DOCK5: variants seen among roughly 807,000 people sequenced by gnomAD.
The protein encoded by DOCK5 is dedicator of cytokinesis 5, also known as dedicator of cytokinesis protein 5.
Under a neutral mutation model 251.8 loss-of-function variants are expected in DOCK5, and 142 were observed. That is an observed-to-expected ratio of 0.56 (90% CI 0.49 to 0.65). DOCK5 has a LOEUF of 0.65. Ranked by LOEUF, DOCK5 falls within the 30% of genes least tolerant of loss-of-function variation. The probability of loss-of-function intolerance (pLI) is 0.00; values close to 1 mark genes in which losing one functional copy is unlikely to be tolerated. For missense variants in DOCK5, 2,111 were observed against 2,312.3 expected, an observed-to-expected ratio of 0.91 and a Z score of 1.79; for synonymous variants, 842 against 835.5, an observed-to-expected ratio of 1.01 and a Z score of -0.13.
At chr8:25,243,600 A>G in intron 1 of DOCK5, 74 bp from the exon 2 acceptor site, 2 of 1,425,124 alleles carry the variant, frequency 1.4e-6, no homozygotes, top group East Asian at 2.5e-5. Flanking sequence ...AAGTGCTGAG[A>G]TTATAGGCGT....
At chr8:25,375,014 T>C in intron 37 of DOCK5, 2 of 1,103,662 alleles carry the variant, frequency 1.8e-6, no homozygotes, top group Non-Finnish European at 2.3e-6. Flanking sequence ...AGAAGTACTC[T>C]ATTTTTATTC....
intron 37 of DOCK5, chr8:25,374,979 G>T (rs1800939363): frequency 8.4e-7 from 1 of 1,188,214 alleles, no homozygotes; most frequent in East Asian, 5.4e-5. Context: ...GCAGAAAGAT[G>T]AGTTATAAGT....
chr8:25,275,570 C>T (rs1364200386), intron 4 of DOCK5, 129 bp downstream of exon 4: 2 of 907,424 alleles, frequency 2.2e-6, no homozygotes, highest in Non-Finnish European at 3.3e-6. Flanking sequence ...CGTGGTGGCT[C>T]ACGCCTGTAA....
intron 1 of DOCK5, among the ~76,000 whole-genome samples, chr8:25,227,785 A>C (rs1257394519): frequency 1.3e-5 from 2 of 152,214 alleles, no homozygotes; most frequent in African/African-American, 4.8e-5. Context: ...TGTCAAGCAA[A>C]CTACAAAGTA....
At chr8:25,368,497 C>T (rs929736671) in intron 32 of DOCK5, 74 bp from the exon 33 acceptor site, 269 of 1,491,762 alleles carry the variant, frequency 1.8e-4, no homozygotes, top group Non-Finnish European at 2.3e-4. Context: ...TCTTATGGAA[C>T]TTGTGGAGGA....
chr8:25,271,751 T>G (rs1034399500), intron 3 of DOCK5, among the ~76,000 whole-genome samples: 3 of 152,084 alleles, frequency 2.0e-5, no homozygotes, highest in Non-Finnish European at 2.9e-5. Context: ...CTCAAGTGAG[T>G]GGGTTACAAT....
chr8:25,325,605 C>A, intron 18 of DOCK5, 58 bp downstream of exon 18: 1 of 1,585,112 alleles, frequency 6.3e-7, no homozygotes, highest in Non-Finnish European at 8.6e-7. Context: ...TTCTGGGCTC[C>A]TTGGTTAGGC....
chr8:25,288,567 G>C (rs1563339288), intron 5 of DOCK5, among the ~76,000 whole-genome samples: 1 of 152,206 alleles, frequency 6.6e-6, no homozygotes, highest in Non-Finnish European at 1.5e-5. Context: ...GTGTCACACA[G>C]AGGATCCCCG....
At chr8:25,340,689 C>T (rs996646060) in intron 22 of DOCK5, among the ~76,000 whole-genome samples, 188 bp from the exon 23 acceptor site, 3 of 152,200 alleles carry the variant, frequency 2.0e-5, no homozygotes, top group African/African-American at 7.2e-5. Flanking sequence ...GGTTGGGGAT[C>T]AGAGCCTTTC....
intron 1 of DOCK5, among the ~76,000 whole-genome samples, chr8:25,229,953 C>G (rs887209754): frequency 6.6e-6 from 1 of 152,076 alleles, no homozygotes; most frequent in African/African-American, 2.4e-5. Context: ...TTTTAATTCT[C>G]TATGATTTTA....
chr8:25,255,268 G>A (rs976107283), intron 2 of DOCK5, among the ~76,000 whole-genome samples: 25 of 152,208 alleles, frequency 1.6e-4, no homozygotes, highest in African/African-American at 5.8e-4. Context: ...GTTTGTAGCA[G>A]CTTTATTCAT....
intron 5 of DOCK5, among the ~76,000 whole-genome samples, chr8:25,282,009 G>A (rs1250005985): frequency 6.6e-6 from 1 of 151,680 alleles, no homozygotes; most frequent in Admixed American, 6.6e-5. Flanking sequence ...TCTTATAGCC[G>A]CTGTTGATTG....
At chr8:25,322,817 T>C (rs1805461538) in intron 16 of DOCK5, among the ~76,000 whole-genome samples, 1 of 152,142 alleles carries the variant, frequency 6.6e-6, no homozygotes, top group Non-Finnish European at 1.5e-5. Context: ...AGCCGGATCA[T>C]GAAGGCTGAA....
intron 6 of DOCK5, among the ~76,000 whole-genome samples, chr8:25,295,411 C>G (rs1374934226): frequency 1.3e-5 from 2 of 151,744 alleles, no homozygotes; most frequent in African/African-American, 2.4e-5. Context: ...AATAAATTCT[C>G]ACAACAACCT....
At chr8:25,410,297 C>A in intron 51 of DOCK5, 95 bp downstream of exon 51, 1 of 1,028,360 alleles carries the variant, frequency 9.7e-7, no homozygotes, top group South Asian at 1.4e-5. Context: ...CAGGTTTGCT[C>A]ATAGACCTGT....
chr8:25,378,994 G>C (rs1382636067), intron 38 of DOCK5, among the ~76,000 whole-genome samples: 5 of 152,184 alleles, frequency 3.3e-5, no homozygotes, highest in African/African-American at 9.7e-5. Context: ...TTCAAAAGGG[G>C]AGGGGGTGTA....
At chr8:25,191,545 A>G (rs1215960793) in intron 1 of DOCK5, among the ~76,000 whole-genome samples, 1 of 152,202 alleles carries the variant, frequency 6.6e-6, no homozygotes, top group Non-Finnish European at 1.5e-5. Context: ...GATGTCACCC[A>G]CATAGAAGCT....
chr8:25,262,184 C>CCAG (rs1803605050), intron 2 of DOCK5, among the ~76,000 whole-genome samples: 1 of 143,638 alleles, frequency 7.0e-6, no homozygotes, highest in Non-Finnish European at 1.5e-5. Flanking sequence ...AGAGAGAGTT[C>CCAG]CAGTTGCTCC....
Position 25,359,073 on chromosome 8 carries a change from T to A in DOCK5, c.2949+12T>A. The A allele has an allele frequency of 1.2e-6, 2 of 1,609,682 alleles. No individual in the cohort carries two copies. The highest frequency in any genetic ancestry group is 1.7e-6 in the Non-Finnish European group (2 of 1,176,022). Reference sequence around the variant, plus strand: ...GACAAGACATCATCGTAAGTTGCCTTTACTGGTCCTGGTAACCTGAAGACT... The same window carrying A: ...GACAAGACATCATCGTAAGTTGCCTATACTGGTCCTGGTAACCTGAAGACT... On this transcript the variant is annotated intron_variant, in intron 28 of 51. Coordinates refer to ENST00000276440, the MANE Select transcript of DOCK5 (RefSeq NM_024940.8).
Sources: allele counts gnomAD v4.1 joint callset (sites outside exome capture counted in the v4.1 genomes callset), GRCh38; gene constraint gnomAD v4.1.1; transcripts MANE v1.5; gene names NCBI Gene and HGNC (gene_info 2026-07-23, HGNC 2026-07-21).